NEGR1: variants seen among roughly 807,000 people sequenced by gnomAD.
NEGR1 encodes the protein IgLON family member 4.
NEGR1 carries 10 observed loss-of-function variants against 40.9 expected under a neutral mutation model. The ratio of observed to expected loss-of-function variants is 0.24; its 90% CI spans 0.15 to 0.42. The LOEUF is 0.42. Among genes scored for constraint, NEGR1 ranks in the 10% least tolerant of loss-of-function variants. The probability of loss-of-function intolerance (pLI) is 1.00; values close to 1 mark genes in which losing one functional copy is unlikely to be tolerated. For missense variants in NEGR1, 352 were observed against 438.9 expected (o/e 0.80, Z 1.77); for synonymous variants, 185 against 166.8 (o/e 1.11, Z -0.84).
At chr1:71,851,847 A>C (rs2101813595) in intron 2 of NEGR1, among the ~76,000 whole-genome samples, 1 of 152,294 alleles carries the variant, frequency 6.6e-6, no homozygotes, top group Non-Finnish European at 1.5e-5. Context: ...CTCTAAGTTT[A>C]CTAATTAATT....
At chr1:72,060,294 C>T (rs1159032935) in intron 1 of NEGR1, among the ~76,000 whole-genome samples, 1 of 151,568 alleles carries the variant, frequency 6.6e-6, no homozygotes, top group African/African-American at 2.4e-5. Flanking sequence ...AAGATAGCTC[C>T]TTGTTTAATT....
chr1:72,166,987 C>T (rs908564816), intron 1 of NEGR1, among the ~76,000 whole-genome samples: 1 of 151,848 alleles, frequency 6.6e-6, no homozygotes, highest in Non-Finnish European at 1.5e-5. Context: ...TCTTTATGGC[C>T]AGTAGTGGTC....
chr1:71,423,795 T>A (rs1187193641), intron 6 of NEGR1, among the ~76,000 whole-genome samples: 1 of 151,682 alleles, frequency 6.6e-6, no homozygotes, highest in Non-Finnish European at 1.5e-5. Flanking sequence ...TCTTTGATTA[T>A]ATCATTATGA....
At chr1:71,687,778 C>T (rs1418882571) in intron 4 of NEGR1, among the ~76,000 whole-genome samples, 1 of 152,098 alleles carries the variant, frequency 6.6e-6, no homozygotes, top group Non-Finnish European at 1.5e-5. Flanking sequence ...CCCTAGTTTA[C>T]ACAGTTTGTT....
chr1:71,543,604 T>C (rs1435320938), intron 6 of NEGR1, among the ~76,000 whole-genome samples: 3 of 151,786 alleles, frequency 2.0e-5, no homozygotes, highest in Non-Finnish European at 4.4e-5. Flanking sequence ...TGTGTCCTAA[T>C]TGCACAATTC....
chr1:72,181,329 C>G (rs956981504), intron 1 of NEGR1, among the ~76,000 whole-genome samples: 1 of 152,070 alleles, frequency 6.6e-6, no homozygotes. Flanking sequence ...GGTCTTTATT[C>G]TCTTCAATTG....
At chr1:72,123,875 GT>G (rs1649903060) in intron 1 of NEGR1, among the ~76,000 whole-genome samples, 1 of 152,010 alleles carries the variant, frequency 6.6e-6, no homozygotes, top group Non-Finnish European at 1.5e-5. Context: ...AACTGCAAAT[GT>G]AAAATTAGAG....
At chr1:71,812,146 T>C (rs957708567) in intron 2 of NEGR1, among the ~76,000 whole-genome samples, 1 of 151,964 alleles carries the variant, frequency 6.6e-6, no homozygotes, top group Non-Finnish European at 1.5e-5. Flanking sequence ...GAACATGCAG[T>C]GTTTGGTTTT....
chr1:72,138,267 C>A (rs998858841), intron 1 of NEGR1, among the ~76,000 whole-genome samples: 12 of 151,472 alleles, frequency 7.9e-5, no homozygotes, highest in Non-Finnish European at 1.5e-4. Flanking sequence ...CAATAAAAAA[C>A]CACTCCAATA....
chr1:71,473,281 T>G (rs1177400087), intron 6 of NEGR1, among the ~76,000 whole-genome samples: 2 of 152,018 alleles, frequency 1.3e-5, no homozygotes, highest in African/African-American at 2.4e-5. Flanking sequence ...AAGAAGAAGA[T>G]CTTAAAAGCT....
chr1:71,888,582 G>C (rs1484569777), intron 2 of NEGR1, among the ~76,000 whole-genome samples: 1 of 147,696 alleles, frequency 6.8e-6, no homozygotes, highest in African/African-American at 2.5e-5. Flanking sequence ...ACGGAATCTC[G>C]CTGATTGCTA....
At chr1:71,701,198 A>T (rs1653680055) in intron 3 of NEGR1, among the ~76,000 whole-genome samples, 1 of 152,046 alleles carries the variant, frequency 6.6e-6, no homozygotes, top group African/African-American at 2.4e-5. Context: ...GTATAAAATT[A>T]ACACAGTGTC....
At chr1:71,511,330 A>T (rs1321889708) in intron 6 of NEGR1, among the ~76,000 whole-genome samples, 1 of 152,218 alleles carries the variant, frequency 6.6e-6, no homozygotes, top group Admixed American at 6.5e-5. Context: ...TCATGTATAA[A>T]TTGAGTTTTT....
At chr1:71,928,069 C>CACGTACAT (rs1645796752) in intron 2 of NEGR1, among the ~76,000 whole-genome samples, 1 of 97,240 alleles carries the variant, frequency 1.0e-5, no homozygotes, top group African/African-American at 3.9e-5. Context: ...TACACACACA[C>CACGTACAT]ATATGTACAT....
At chr1:71,491,313 T>G (rs1183655543) in intron 6 of NEGR1, among the ~76,000 whole-genome samples, 6 of 151,996 alleles carry the variant, frequency 3.9e-5, no homozygotes, top group Admixed American at 3.3e-4. Flanking sequence ...TTGAGCATCT[T>G]TGGGTTTTGA....
chr1:72,155,128 A>G (rs1025048317), intron 1 of NEGR1, among the ~76,000 whole-genome samples: 2 of 152,026 alleles, frequency 1.3e-5, no homozygotes, highest in African/African-American at 4.8e-5. Context: ...AGAAGTTCAT[A>G]CATCTCAATT....
chr1:72,026,860 T>G (rs188045487), intron 1 of NEGR1, among the ~76,000 whole-genome samples: 46 of 152,278 alleles, frequency 3.0e-4, no homozygotes, highest in Non-Finnish European at 5.0e-4. Flanking sequence ...CTTTTTATCC[T>G]AGCCTCTCAA....
chr1:72,212,928 CT>C (rs746407882), intron 1 of NEGR1, among the ~76,000 whole-genome samples: 8 of 151,692 alleles, frequency 5.3e-5, no homozygotes, highest in Non-Finnish European at 1.0e-4. Context: ...AGATGAAGTA[CT>C]ATGAGAGAGC....
chr1:72,030,378 T>C (rs1385376400), intron 1 of NEGR1, among the ~76,000 whole-genome samples: 4 of 152,008 alleles, frequency 2.6e-5, no homozygotes, highest in African/African-American at 4.8e-5. Context: ...GGCTAATAAC[T>C]ACAGATACTA....
Sources: gnomAD v4.1 joint callset for allele counts (sites outside exome capture counted in the v4.1 genomes callset) on GRCh38, gnomAD v4.1.1 for gene constraint, MANE v1.5 for transcripts, NCBI Gene and HGNC (gene_info 2026-07-23, HGNC 2026-07-21) for gene names.